Variants in SLC9B2 observed in about 807,000 individuals in gnomAD.
SLC9B2 encodes sodium/hydrogen exchanger 9B2.
SLC9B2 carries 39 observed loss-of-function variants against 52.2 expected under a neutral mutation model. That is an observed-to-expected ratio of 0.75 (90% CI 0.58 to 0.98). The LOEUF is 0.98. Ranked by LOEUF, SLC9B2 falls within the 50% of genes least tolerant of loss-of-function variation. The probability of loss-of-function intolerance (pLI) is 0.00; values close to 1 mark genes in which losing one functional copy is unlikely to be tolerated. For synonymous variants in SLC9B2, 214 were observed against 227.0 expected (o/e 0.94, Z 0.51); for missense variants, 626 against 637.5 (o/e 0.98, Z 0.19).
At position 103,066,374 on chromosome 4, in the gene SLC9B2, A is replaced by G; in HGVS notation, c.224T>C (p.Met75Thr). 1 of 1,613,960 alleles carries G rather than the reference A, an allele frequency of 6.2e-7. No homozygotes were observed. The highest frequency in any genetic ancestry group is 8.5e-7 in the Non-Finnish European group (1 of 1,179,916). Residue 75 changes from methionine to threonine, a missense_variant, in exon 3 of 12, where the codon ATG becomes ACG. Transcript: ENST00000394785. ...TAAACCATGTGGAGGGCAAGCCAGC[A>G]TTTGTCTCAGTCTTTGTACGTGATT... ...EANHVQRLRQ[M>T]LACPPHGLLD...
At chr4:103,040,694 C>T (rs1477949384) in intron 9 of SLC9B2, among the ~76,000 whole-genome samples, 1 of 152,144 alleles carries the variant, frequency 6.6e-6, no homozygotes, top group Non-Finnish European at 1.5e-5. Context: ...AGAAAAAACA[C>T]ACAAGTGTCT....
intron 4 of SLC9B2, among the ~76,000 whole-genome samples, chr4:103,051,189 C>G (rs1448303052): frequency 6.6e-6 from 1 of 152,174 alleles, no homozygotes; most frequent in Non-Finnish European, 1.5e-5. Context: ...GTGACTCATT[C>G]TGAAAACTGC....
At chr4:103,057,273 T>TATATACACAC (rs1220375909) in intron 4 of SLC9B2, among the ~76,000 whole-genome samples, 137 of 143,248 alleles carry the variant, frequency 9.6e-4, no homozygotes, top group African/African-American at 3.4e-3. Flanking sequence ...TATATATATA[T>TATATACACAC]ACACACACAC....
chr4:103,075,808 G>C (rs567375293), intron 1 of SLC9B2, among the ~76,000 whole-genome samples: 3 of 152,226 alleles, frequency 2.0e-5, no homozygotes, highest in South Asian at 4.1e-4. Context: ...CACGTGAATG[G>C]ACTTGACATG....
chr4:103,034,678 T>C (rs1339231229), intron 9 of SLC9B2, among the ~76,000 whole-genome samples: 4 of 152,100 alleles, frequency 2.6e-5, no homozygotes, highest in Admixed American at 2.6e-4. Context: ...GACACATACA[T>C]GTAGCCAACA....
At chr4:103,057,704 C>T in intron 4 of SLC9B2, 97 bp downstream of exon 4, 3 of 1,345,360 alleles carry the variant, frequency 2.2e-6, no homozygotes, top group South Asian at 2.8e-5. Context: ...ATGGCAAATA[C>T]AGAAATATTT....
chr4:103,069,904 C>T (rs528345894), intron 1 of SLC9B2, among the ~76,000 whole-genome samples: 12 of 152,078 alleles, frequency 7.9e-5, no homozygotes, highest in African/African-American at 2.2e-4. Flanking sequence ...GAAGCCTTTG[C>T]GAACAAATTT....
Position 103,067,489 on chromosome 4 carries a change from T to G in SLC9B2, c.62A>C (p.Tyr21Ser), listed in dbSNP as rs1746243698. 1.9e-6 allele frequency: 3 copies of G among 1,613,400 alleles called. No homozygotes were observed. The highest frequency in any genetic ancestry group is 2.5e-6 in the Non-Finnish European group (3 of 1,179,580). The change falls in exon 2 of 12, where the codon TAC becomes TCC. Residue 21 changes from tyrosine to serine, a missense_variant. Physicochemically the swap from Tyr to Ser is moderately radical, Grantham distance 144. Coordinates refer to ENST00000394785, the MANE Select transcript of SLC9B2 (RefSeq NM_178833.7). ...EDSEPSTGMN[Y>S]TPSMHQEAQE... Reference sequence around the variant, plus strand: ...TGCTTCTTGATGCATGGAGGGCGTGTAATTCATTCCTGTGGATGGTTCTGA... The same window carrying G: ...TGCTTCTTGATGCATGGAGGGCGTGGAATTCATTCCTGTGGATGGTTCTGA...
In SLC9B2 at chr4:103,024,854, A is replaced by T. The variant is rs1742068617; in HGVS notation, c.*1516T>A. ...CAGAGATGGCCTGTTACAAAGTAGG[A>T]TAAAATATGACCTATGCAGGTAAGT... is the stretch of plus-strand genomic sequence containing the variant. On this transcript the variant is annotated 3_prime_UTR_variant, in exon 12 of 12. Coordinates refer to ENST00000394785, the MANE Select transcript of SLC9B2 (RefSeq NM_178833.7). Among the ~76,000 whole-genome samples, 1 of 152,236 alleles carries T rather than the reference A, an allele frequency of 6.6e-6. No homozygotes were observed. The highest frequency in any genetic ancestry group is 2.4e-5 in the African/African-American group (1 of 41,462).
intron 9 of SLC9B2, among the ~76,000 whole-genome samples, chr4:103,042,717 T>C (rs1743742655): frequency 6.6e-6 from 1 of 151,688 alleles, no homozygotes; most frequent in South Asian, 2.1e-4. Context: ...AAAGGTCATA[T>C]TGATATTATC....
chr4:103,054,914 T>C (rs960798574), intron 4 of SLC9B2, among the ~76,000 whole-genome samples: 2 of 152,174 alleles, frequency 1.3e-5, no homozygotes, highest in Non-Finnish European at 2.9e-5. Context: ...TTATAAATCA[T>C]GCTGCTATAA....
intron 8 of SLC9B2, among the ~76,000 whole-genome samples, chr4:103,044,039 C>G (rs781276900): frequency 6.6e-6 from 1 of 152,010 alleles, no homozygotes; most frequent in African/African-American, 2.4e-5. Context: ...TTTCCCTTTA[C>G]TTTTCCCTGT....
downstream of SLC9B2, chr4:103,019,645 G>A (rs1741649012): frequency 3.0e-6 from 3 of 985,528 alleles, no homozygotes; most frequent in African/African-American, 1.7e-5. Context: ...CGGCCCAGGA[G>A]CCCAGTGACC....
At chr4:103,027,455 A>G (rs1742323275) in intron 11 of SLC9B2, among the ~76,000 whole-genome samples, 1 of 152,188 alleles carries the variant, frequency 6.6e-6, no homozygotes, top group South Asian at 2.1e-4. Context: ...TCCTTGCCAC[A>G]GAATTTGGTG....
At position 103,045,658 on chromosome 4, in the gene SLC9B2, T is replaced by C. The variant is rs561716516; in HGVS notation, c.890-662A>G. 2.0e-5 allele frequency among the ~76,000 whole-genome samples: 3 copies of C among 152,170 alleles called. 1 individual carries two copies. Among genetic ancestry groups the C allele is most frequent in the South Asian group, 4.2e-4 (2 of 4,814 alleles). Reference sequence around the variant, plus strand: ...GGAGAGGAAACACAGCAGAGTCAACTAGGAAGGTTCTTCGAGCTGTAGCTT... The same window carrying C: ...GGAGAGGAAACACAGCAGAGTCAACCAGGAAGGTTCTTCGAGCTGTAGCTT... On this transcript the variant is annotated intron_variant, in intron 7 of 11. Coordinates refer to ENST00000394785, the MANE Select transcript of SLC9B2 (RefSeq NM_178833.7).
chr4:103,071,826 T>C (rs1746662826), intron 1 of SLC9B2, among the ~76,000 whole-genome samples: 1 of 152,122 alleles, frequency 6.6e-6, no homozygotes, highest in Non-Finnish European at 1.5e-5. Context: ...TTTAAATACA[T>C]TTAAAAATAA....
At chr4:103,073,664 G>A (rs1746867223) in intron 1 of SLC9B2, among the ~76,000 whole-genome samples, 2 of 152,202 alleles carry the variant, frequency 1.3e-5, no homozygotes, top group South Asian at 2.1e-4. Flanking sequence ...GACTCATGAA[G>A]GAAAACACTA....
intron 1 of SLC9B2, among the ~76,000 whole-genome samples, chr4:103,073,683 GATAAGA>G (rs1285567630): frequency 6.6e-6 from 1 of 152,156 alleles, no homozygotes; most frequent in Non-Finnish European, 1.5e-5. Flanking sequence ...TATATAATGA[GATAAGA>G]ATAAAAGGAA....
Position 103,050,316 on chromosome 4 carries a change from T to C in SLC9B2, c.509A>G (p.His170Arg). 3 of 1,610,598 alleles carry C rather than the reference T, an allele frequency of 1.9e-6. No homozygotes were observed. The highest frequency in any genetic ancestry group is 2.7e-5 in the African/African-American group (2 of 74,806). ...GCTTCTCAAAGAGGAAGACCACTTG[T>C]GCTTGATCTGCACATTATCGTTGAT... The part of the protein sequence containing the change: ...PVINDNVQIK[H>R]KWSSSLRSIA... Residue 170 changes from histidine to arginine, a missense_variant, in exon 5 of 12, where the codon CAC becomes CGC. Physicochemically the swap from His to Arg is conservative, Grantham distance 29. Transcript: ENST00000394785.
Sources: gnomAD v4.1 joint callset for allele counts (sites outside exome capture counted in the v4.1 genomes callset) on GRCh38, gnomAD v4.1.1 for gene constraint, MANE v1.5 for transcripts, NCBI Gene and HGNC (gene_info 2026-07-23, HGNC 2026-07-21) for gene names.